The following MAD1L1 variants were observed in gnomAD, a reference collection of about 807,000 sequenced individuals.
MAD1L1 encodes mitotic arrest deficient 1 like 1.
In MAD1L1, 95 loss-of-function variants were observed where a neutral mutation model predicts 96.9. The observed-to-expected ratio is 0.98, with a 90% CI of 0.83 to 1.16. The LOEUF is 1.16. Among genes scored for constraint, MAD1L1 ranks in the 50% most tolerant of loss-of-function variants. MAD1L1 has a pLI of 0.00. For missense variants in MAD1L1, 1,007 were observed against 954.4 expected (o/e 1.06, Z -0.73); for synonymous variants, 473 against 396.6 (o/e 1.19, Z -2.29).
intron 11 of MAD1L1, among the ~76,000 whole-genome samples, chr7:2,078,143 A>C (rs1312317899): frequency 6.6e-6 from 1 of 152,158 alleles, no homozygotes. Context: ...CGACAGACGC[A>C]GGCTCCTTGT....
chr7:2,110,214 GAC>G (rs1370039623), intron 11 of MAD1L1, among the ~76,000 whole-genome samples: 2 of 152,216 alleles, frequency 1.3e-5, no homozygotes, highest in African/African-American at 4.8e-5. Flanking sequence ...TGACTTCAAT[GAC>G]ACAGATGTCC....
chr7:2,008,660 G>A (rs1395417684), intron 13 of MAD1L1, among the ~76,000 whole-genome samples: 1 of 152,202 alleles, frequency 6.6e-6, no homozygotes, highest in Non-Finnish European at 1.5e-5. Flanking sequence ...CCCAGCCTCA[G>A]CCCCTCCTCC....
At chr7:1,974,871 A>C (rs1780563891) in intron 15 of MAD1L1, among the ~76,000 whole-genome samples, 1 of 152,198 alleles carries the variant, frequency 6.6e-6, no homozygotes, top group Admixed American at 6.5e-5. Flanking sequence ...GGACCAGGGG[A>C]GGTGGGCAGG....
At chr7:1,958,632 G>A (rs1413370269) in intron 15 of MAD1L1, among the ~76,000 whole-genome samples, 1 of 152,150 alleles carries the variant, frequency 6.6e-6, no homozygotes, top group Non-Finnish European at 1.5e-5. Flanking sequence ...AACACAACAA[G>A]CTAAAATTCA....
chr7:2,127,968 T>C (rs1361979778), intron 11 of MAD1L1, among the ~76,000 whole-genome samples: 2 of 152,154 alleles, frequency 1.3e-5, no homozygotes, highest in Non-Finnish European at 2.9e-5. Context: ...ATTAAGACAG[T>C]GTCCACCTCT....
intron 11 of MAD1L1, among the ~76,000 whole-genome samples, chr7:2,136,173 G>A (rs1308453390): frequency 2.0e-5 from 3 of 152,120 alleles, no homozygotes; most frequent in Admixed American, 6.5e-5. Context: ...TGTGTTTCTC[G>A]GCCACAGTAT....
intron 17 of MAD1L1, among the ~76,000 whole-genome samples, chr7:1,934,407 C>G (rs1789659435): frequency 6.6e-6 from 1 of 152,022 alleles, no homozygotes; most frequent in Non-Finnish European, 1.5e-5. Context: ...GAGACCCAGA[C>G]AACAAGGGAA....
intron 18 of MAD1L1, among the ~76,000 whole-genome samples, chr7:1,880,187 C>T (rs903403572): frequency 6.6e-6 from 1 of 152,216 alleles, no homozygotes; most frequent in African/African-American, 2.4e-5. Flanking sequence ...TCACAGTGTT[C>T]CTAATCAGCA....
chr7:2,208,257 G>A (rs1218316513), intron 10 of MAD1L1, among the ~76,000 whole-genome samples: 1 of 152,050 alleles, frequency 6.6e-6, no homozygotes, highest in Non-Finnish European at 1.5e-5. Flanking sequence ...TTGGTACATT[G>A]TCCTTGTATC....
At chr7:1,996,913 A>G (rs1781586151) in intron 14 of MAD1L1, among the ~76,000 whole-genome samples, 1 of 94,634 alleles carries the variant, frequency 1.1e-5, no homozygotes, top group East Asian at 4.8e-4. Context: ...ATAAAGCTTC[A>G]CTCCTCACTC....
At chr7:2,073,789 C>T (rs1285385422) in intron 11 of MAD1L1, among the ~76,000 whole-genome samples, 1 of 152,220 alleles carries the variant, frequency 6.6e-6, no homozygotes, top group African/African-American at 2.4e-5. Flanking sequence ...CCTCTCCTTC[C>T]TGGCAGTGAA....
intron 12 of MAD1L1, among the ~76,000 whole-genome samples, chr7:2,060,273 GCCGAGATACGCCGATC>G (rs879690597): frequency 0.23 from 28,531 of 124,964 alleles, 3,701 homozygotes; most frequent in Middle Eastern, 0.35. Context: ...ATACGCCGAT[GCCGAGATACGCCGATC>G]CCGAGATACG....
chr7:2,022,730 A>G (rs940573678), intron 12 of MAD1L1, among the ~76,000 whole-genome samples: 21 of 152,216 alleles, frequency 1.4e-4, no homozygotes, highest in Non-Finnish European at 2.9e-5. Flanking sequence ...GATCATTTCG[A>G]ATGTGAATGA....
chr7:2,059,081 G>A (rs1160671335), intron 12 of MAD1L1, among the ~76,000 whole-genome samples: 1 of 90,286 alleles, frequency 1.1e-5, no homozygotes, highest in Non-Finnish European at 2.3e-5. Flanking sequence ...GAGGGAGTGT[G>A]GCCAGGAGAG....
chr7:2,171,282 C>A (rs1031179860), intron 10 of MAD1L1, among the ~76,000 whole-genome samples: 10 of 152,242 alleles, frequency 6.6e-5, no homozygotes, highest in Non-Finnish European at 2.9e-5. Context: ...TGAGGCCACA[C>A]AACCAAAGGA....
At chr7:1,902,647 C>A (rs1194784843) in intron 17 of MAD1L1, among the ~76,000 whole-genome samples, 1 of 150,064 alleles carries the variant, frequency 6.7e-6, no homozygotes, top group Non-Finnish European at 1.5e-5. Context: ...AGAACCAGGT[C>A]GGCCGGGCTA....
In MAD1L1 at chr7:1,898,239, C is replaced by T. The variant is rs61736815; in HGVS notation, c.1959G>A (p.Ser653=). The part of the protein sequence containing the change: ...ITTENQYRLT[S]LYAEHPGDCL... ...AGTCGCCTGGGTGCTCGGCGTACAG[C>T]GAGGTCAGCCGGTACTGGTTCTCCG... The change falls in exon 18 of 19, where the codon TCG becomes TCA. Residue 653 remains serine, a synonymous_variant. Transcript: ENST00000265854. 5,660 of 1,613,760 alleles carry T rather than the reference C, an allele frequency of 3.5e-3. 152 individuals are homozygous for T. In the African/African-American group the frequency reaches 0.064, roughly 18 times the overall value.
At chr7:1,956,850 C>T (rs1779750295) in intron 16 of MAD1L1, among the ~76,000 whole-genome samples, 1 of 152,262 alleles carries the variant, frequency 6.6e-6, no homozygotes, top group Non-Finnish European at 1.5e-5. Flanking sequence ...GGGCCGGCCA[C>T]TGAGGACACC....
chr7:1,975,479 G>C (rs1055635328), intron 15 of MAD1L1, among the ~76,000 whole-genome samples: 1 of 152,218 alleles, frequency 6.6e-6, no homozygotes, highest in African/African-American at 2.4e-5. Context: ...CTGGCGGCCT[G>C]GGCTGGGCAC....
Sources: gnomAD v4.1 joint callset for allele counts (sites outside exome capture counted in the v4.1 genomes callset) on GRCh38, gnomAD v4.1.1 for gene constraint, MANE v1.5 for transcripts, NCBI Gene and HGNC (gene_info 2026-07-23, HGNC 2026-07-21) for gene names.